Variants in FSTL4 observed in about 807,000 individuals in gnomAD.
FSTL4 encodes the protein follistatin like 4.
In FSTL4, 28 loss-of-function variants were observed where a neutral mutation model predicts 78.2. The observed-to-expected ratio is 0.36, with a 90% confidence interval of 0.27 to 0.49. FSTL4 has a LOEUF of 0.49. FSTL4 is among the 20% of genes least tolerant of loss of function. The pLI is 0.98. For synonymous variants in FSTL4, 422 were observed against 440.5 expected (o/e 0.96, Z 0.53); for missense variants, 922 against 1,084.9 (o/e 0.85, Z 2.11).
intron 4 of FSTL4, among the ~76,000 whole-genome samples, chr5:133,342,323 G>T (rs1754601172): frequency 6.6e-6 from 1 of 152,190 alleles, no homozygotes; most frequent in Admixed American, 6.5e-5. Context: ...ACCAGGGGCA[G>T]GTTGCAGAGA....
intron 3 of FSTL4, among the ~76,000 whole-genome samples, chr5:133,478,955 C>T (rs1211903619): frequency 6.6e-6 from 1 of 152,140 alleles, no homozygotes; most frequent in Non-Finnish European, 1.5e-5. Context: ...GATTTCTCAC[C>T]TCTCAAATCT....
At chr5:133,685,614 C>T in the FSTL4 span, among the ~76,000 whole-genome samples, 1 of 152,224 alleles carries the variant, frequency 6.6e-6, no homozygotes, top group African/African-American at 2.4e-5. Flanking sequence ...CTCCGCAGGC[C>T]CCACCCAGGA....
At chr5:133,405,649 CA>C (rs1039064836) in intron 3 of FSTL4, among the ~76,000 whole-genome samples, 2 of 152,208 alleles carry the variant, frequency 1.3e-5, no homozygotes, top group African/African-American at 4.8e-5. Flanking sequence ...ATAACGGTCC[CA>C]GTATTCTTCC....
chr5:133,781,364 GTTGTGTGTGTGTGT>G, the FSTL4 span, among the ~76,000 whole-genome samples: 83 of 89,610 alleles, frequency 9.3e-4, no homozygotes, highest in African/African-American at 3.5e-3. Context: ...TTGTTAAGCG[GTTGTGTGTGTGTGT>G]GTGTGTGTGT....
At chr5:133,713,441 T>C in the FSTL4 span, among the ~76,000 whole-genome samples, 53 of 152,338 alleles carry the variant, frequency 3.5e-4, no homozygotes, top group African/African-American at 1.2e-3. Flanking sequence ...ATCTGACTGA[T>C]GGTACCTTTG....
chr5:133,553,033 T>C (rs1374397771), intron 3 of FSTL4, among the ~76,000 whole-genome samples: 2 of 152,196 alleles, frequency 1.3e-5, no homozygotes, highest in Non-Finnish European at 2.9e-5. Flanking sequence ...CGGTTCCCTG[T>C]GCTCCAACTG....
chr5:133,298,457 C>T (rs529925149), intron 6 of FSTL4, among the ~76,000 whole-genome samples: 43 of 152,314 alleles, frequency 2.8e-4, no homozygotes, highest in Admixed American at 6.5e-4. Flanking sequence ...GATGACAGGG[C>T]CAGGCTTGTC....
At chr5:133,623,254 C>T in the FSTL4 span, among the ~76,000 whole-genome samples, 1,257 of 152,136 alleles carry the variant, frequency 8.3e-3, 14 homozygotes, top group African/African-American at 0.028. Context: ...CACACTTCAA[C>T]GCTTACTACA....
At chr5:133,388,599 T>G (rs995587967) in intron 4 of FSTL4, 2 of 151,718 alleles carry the variant, frequency 1.3e-5, no homozygotes, top group Non-Finnish European at 2.9e-5. Context: ...TTTTTTTTTT[T>G]GTCTGCTTTG....
chr5:133,764,510 C>T, the FSTL4 span, among the ~76,000 whole-genome samples: 1 of 152,178 alleles, frequency 6.6e-6, no homozygotes, highest in African/African-American at 2.4e-5. Context: ...AATTAGCTCC[C>T]CCAATTCCTT....
chr5:133,697,167 T>C, the FSTL4 span, among the ~76,000 whole-genome samples: 9 of 152,182 alleles, frequency 5.9e-5, no homozygotes, highest in Admixed American at 1.3e-4. Context: ...GCAAATGTGC[T>C]CTCTGTTGGT....
At chr5:133,775,135 A>G in the FSTL4 span, among the ~76,000 whole-genome samples, 1 of 152,354 alleles carries the variant, frequency 6.6e-6, no homozygotes, top group African/African-American at 2.4e-5. Context: ...GTCTTGATCA[A>G]GACAAGTTTC....
chr5:133,388,534 A>T (rs1755760123), intron 4 of FSTL4: 4 of 152,050 alleles, frequency 2.6e-5, no homozygotes, highest in African/African-American at 9.7e-5. Flanking sequence ...GCCCCTGGGC[A>T]AGCCGGTCAG....
chr5:133,727,974 C>T, the FSTL4 span, among the ~76,000 whole-genome samples: 1 of 152,124 alleles, frequency 6.6e-6, no homozygotes, highest in African/African-American at 2.4e-5. Flanking sequence ...AACTTACAGA[C>T]AGGTTTTGCT....
At chr5:133,216,356 T>C (rs1750905717) in intron 13 of FSTL4, among the ~76,000 whole-genome samples, 1 of 150,598 alleles carries the variant, frequency 6.6e-6, no homozygotes. Context: ...AGTGGTGTGA[T>C]CTCGGCTCAC....
At chr5:133,395,332 G>T (rs1015769042) in intron 4 of FSTL4, among the ~76,000 whole-genome samples, 1 of 152,140 alleles carries the variant, frequency 6.6e-6, no homozygotes, top group Non-Finnish European at 1.5e-5. Context: ...AACTCCAGAC[G>T]CGCCGCCTTA....
At position 133,379,503 on chromosome 5, in the gene FSTL4, G is replaced by C. The variant is rs147258126; in HGVS notation, c.409+21235C>G. ...CCAGGACAGACCATATACTAGACCA[G>C]AATAGAAAGTTCAATAAATTTAAAA... On this transcript the variant is annotated intron_variant, in intron 4 of 15. Transcript: ENST00000265342. Among the ~76,000 whole-genome samples the C allele has an allele frequency of 1.2e-4, 19 of 152,034 alleles. No individual in the cohort carries two copies. The East Asian group carries it at 3.7e-3, about 29-fold the overall frequency.
At chr5:133,665,769 T>C in the FSTL4 span, among the ~76,000 whole-genome samples, 1 of 152,220 alleles carries the variant, frequency 6.6e-6, no homozygotes, top group African/African-American at 2.4e-5. Flanking sequence ...CAGAGGGGGC[T>C]GAGGGTCTCT....
chr5:133,667,909 C>T, the FSTL4 span, among the ~76,000 whole-genome samples: 1 of 152,206 alleles, frequency 6.6e-6, no homozygotes, highest in Non-Finnish European at 1.5e-5. Flanking sequence ...AGACAATAAA[C>T]ATTCGTTGAA....
Sources: gnomAD v4.1 joint callset for allele counts (sites outside exome capture counted in the v4.1 genomes callset) on GRCh38, gnomAD v4.1.1 for gene constraint, MANE v1.5 for transcripts, NCBI Gene and HGNC (gene_info 2026-07-23, HGNC 2026-07-21) for gene names.